PDE4D: variants seen among roughly 807,000 people sequenced by gnomAD.
PDE4D encodes phosphodiesterase 4D, also known as 3',5'-cyclic-AMP phosphodiesterase 4D.
Under a neutral mutation model 87.4 loss-of-function variants are expected in PDE4D, and 24 were observed. The ratio of observed to expected loss-of-function variants is 0.27; its 90% CI spans 0.20 to 0.39. The LOEUF (loss-of-function observed/expected upper bound fraction) is 0.39, where lower values mean the gene tolerates loss of function less well. Ranked by LOEUF, PDE4D falls within the 10% of genes least tolerant of loss-of-function variation. The pLI is 1.00. For missense variants in PDE4D, 714 were observed against 1,041.0 expected (o/e 0.69, Z 4.32); for synonymous variants, 384 against 383.2 (o/e 1.00, Z -0.02).
chr5:59,596,535 T>A (rs1227149365), intron 1 of PDE4D, among the ~76,000 whole-genome samples: 2 of 151,926 alleles, frequency 1.3e-5, no homozygotes, highest in African/African-American at 2.4e-5. Flanking sequence ...CCTTGGTATA[T>A]CCTCTAATGC....
chr5:60,173,990 A>G (rs1783702336), intron 2 of PDE4D, among the ~76,000 whole-genome samples: 2 of 152,184 alleles, frequency 1.3e-5, no homozygotes, highest in Non-Finnish European at 2.9e-5. Flanking sequence ...CTGAGGCAGT[A>G]AATATAATAG....
intron 1 of PDE4D, among the ~76,000 whole-genome samples, chr5:59,506,683 A>AAATT (rs1809329430): frequency 6.6e-6 from 1 of 152,230 alleles, no homozygotes; most frequent in African/African-American, 2.4e-5. Context: ...CCAGAAAAAA[A>AAATT]AATTAATGCA....
chr5:59,989,087 C>CATATATATATATATATATATAT (rs541522751), intron 2 of PDE4D, among the ~76,000 whole-genome samples: 3 of 100,428 alleles, frequency 3.0e-5, no homozygotes, highest in Non-Finnish European at 4.1e-5. Context: ...ATGCATGTGT[C>CATATATATATATATATATATAT]ATATATATAT....
chr5:60,008,067 T>C (rs576921476), intron 2 of PDE4D, among the ~76,000 whole-genome samples: 1 of 152,164 alleles, frequency 6.6e-6, no homozygotes, highest in South Asian at 2.1e-4. Context: ...ATAGTTATTC[T>C]ATATGGTTAA....
At chr5:60,030,957 G>A (rs1582262866) in intron 2 of PDE4D, 1 of 152,212 alleles carries the variant, frequency 6.6e-6, no homozygotes, top group African/African-American at 2.4e-5. Context: ...TTTATGATTT[G>A]GAGACTTCTG....
At chr5:60,190,744 C>A (rs939819541) in intron 1 of PDE4D, among the ~76,000 whole-genome samples, 3 of 152,186 alleles carry the variant, frequency 2.0e-5, no homozygotes, top group African/African-American at 7.2e-5. Flanking sequence ...ATCTGTCAAC[C>A]CATCTTGTAG....
chr5:59,798,253 C>CGTGTGT (rs1766718264), intron 1 of PDE4D, among the ~76,000 whole-genome samples: 1 of 84,518 alleles, frequency 1.2e-5, no homozygotes. Context: ...TATATAAATG[C>CGTGTGT]CTGTGTGTGT....
At chr5:59,340,163 C>T (rs772641913) in intron 1 of PDE4D, among the ~76,000 whole-genome samples, 7 of 152,032 alleles carry the variant, frequency 4.6e-5, no homozygotes, top group Non-Finnish European at 7.4e-5. Context: ...GAGTGAACTA[C>T]GATGGACTTG....
intron 1 of PDE4D, among the ~76,000 whole-genome samples, chr5:59,720,297 G>A (rs866828230): frequency 9.9e-5 from 15 of 152,038 alleles, no homozygotes; most frequent in South Asian, 4.2e-4. Context: ...GAGTAGCCAG[G>A]TATGTGCTAT....
intron 3 of PDE4D, among the ~76,000 whole-genome samples, chr5:59,942,691 A>G (rs918374025): frequency 1.3e-4 from 20 of 152,160 alleles, no homozygotes; most frequent in African/African-American, 4.1e-4. Flanking sequence ...CTTACTAAAA[A>G]TGATTTTATT....
intron 1 of PDE4D, among the ~76,000 whole-genome samples, chr5:59,397,553 C>T (rs1326673319): frequency 8.9e-6 from 1 of 112,428 alleles, no homozygotes; most frequent in Non-Finnish European, 1.9e-5. Context: ...ACACAACATA[C>T]CAGAATCTCT....
chr5:59,467,623 C>A (rs1248544799), intron 1 of PDE4D, among the ~76,000 whole-genome samples: 7 of 152,096 alleles, frequency 4.6e-5, no homozygotes, highest in Non-Finnish European at 1.5e-5. Flanking sequence ...TACTATTTAC[C>A]ATATATGTTT....
chr5:59,702,436 T>C (rs1752716826), intron 1 of PDE4D, among the ~76,000 whole-genome samples: 1 of 152,084 alleles, frequency 6.6e-6, no homozygotes, highest in Non-Finnish European at 1.5e-5. Context: ...AATTATTCCC[T>C]ACTTTTAAAA....
rs1742810368 is a variant in PDE4D, at chr5:58,972,617, C to A, written c.*2047G>T. On this transcript the variant is annotated 3_prime_UTR_variant, in exon 15 of 15. Coordinates refer to ENST00000340635, the MANE Select transcript of PDE4D (RefSeq NM_001104631.2). ...CGTTTGATTTTCCACTTGTCAGATA[C>A]CCACTTTGGCTTCTATCTATCTCAA... 1 of 152,092 alleles carries A rather than the reference C, an allele frequency of 6.6e-6. No individual in the cohort carries two copies. The highest frequency in any genetic ancestry group is 1.5e-5 in the Non-Finnish European group (1 of 68,020). 9.4% of individuals were successfully genotyped at this position (152,092 alleles called of 1,614,324 possible).
At position 59,215,761 on chromosome 5, in the gene PDE4D, C is replaced by T. The variant is rs190278981; in HGVS notation, c.647+16G>A. On this transcript the variant is annotated intron_variant, in intron 2 of 14. Transcript: ENST00000340635. ...TTTACTCGGTTTTCTCTCTCTTTGC[C>T]TGCCCTTGTACTTACATATCACTGG... is the stretch of plus-strand genomic sequence containing the variant. 3.4e-5 allele frequency: 54 copies of T among 1,608,442 alleles called. No individual in the cohort carries two copies. The highest frequency in any genetic ancestry group is 1.5e-4 in the Admixed American group (9 of 59,958).
chr5:59,065,131 A>G (rs1397055488), intron 5 of PDE4D, among the ~76,000 whole-genome samples: 1 of 150,226 alleles, frequency 6.7e-6, no homozygotes, highest in Non-Finnish European at 1.5e-5. Context: ...CACATATACA[A>G]TGAAATATTA....
rs1469617071 is a variant in PDE4D, at chr5:58,972,660, G to GA, written c.*2003dup. 1 of 152,120 alleles carries GA rather than the reference G, an allele frequency of 6.6e-6. No individual in the cohort carries two copies. Among genetic ancestry groups the GA allele is most frequent in the Non-Finnish European group, 1.5e-5 (1 of 68,016 alleles). 9.4% of individuals were successfully genotyped at this position (152,120 alleles called of 1,614,324 possible). A position where few individuals can be genotyped will look rare whatever the true frequency, so the allele number is the denominator to read the frequency against. Reference sequence around the variant, plus strand: ...TATCTCAATTCTTGAATATCAATGTGAAAAATGATTATTTGGGCTTTAAAG... The same window carrying GA: ...TATCTCAATTCTTGAATATCAATGTGAAAAAATGATTATTTGGGCTTTAAAG... On this transcript the variant is annotated 3_prime_UTR_variant, in exon 15 of 15. Transcript: ENST00000340635.
At chr5:60,152,513 C>T (rs772810673) in intron 2 of PDE4D, among the ~76,000 whole-genome samples, 12 of 151,790 alleles carry the variant, frequency 7.9e-5, no homozygotes, top group African/African-American at 2.2e-4. Flanking sequence ...ATTAGCCTGG[C>T]GTGGTGGCAG....
At chr5:58,999,339 C>A (rs1749943032) in intron 6 of PDE4D, 1 of 322,642 alleles carries the variant, frequency 3.1e-6, no homozygotes, top group African/African-American at 2.2e-5. Context: ...ACAATCTTAT[C>A]TTGACCACTA....
Sources: allele counts gnomAD v4.1 joint callset (sites outside exome capture counted in the v4.1 genomes callset), GRCh38; gene constraint gnomAD v4.1.1; transcripts MANE v1.5; gene names NCBI Gene and HGNC (gene_info 2026-07-23, HGNC 2026-07-21).